Variants in OLFML2B observed in about 807,000 individuals in gnomAD.
The protein encoded by OLFML2B is olfactomedin like 2B, also known as olfactomedin-like protein 2B.
Under a neutral mutation model 74.9 loss-of-function variants are expected in OLFML2B, and 57 were observed. The ratio of observed to expected loss-of-function variants is 0.76; its 90% CI spans 0.61 to 0.95. The LOEUF (loss-of-function observed/expected upper bound fraction) is 0.95, where lower values mean the gene tolerates loss of function less well. Ranked by LOEUF, OLFML2B falls within the 40% of genes least tolerant of loss-of-function variation. OLFML2B has a pLI of 0.00. For synonymous variants in OLFML2B, 388 were observed against 405.8 expected, an observed-to-expected ratio of 0.96 and a Z score of 0.53; for missense variants, 986 against 970.6, an observed-to-expected ratio of 1.02 and a Z score of -0.21.
In OLFML2B at chr1:162,023,405, AG is replaced by A; in HGVS notation, c.25del (p.Leu9SerfsTer5). 1.3e-6 allele frequency: 2 copies of A among 1,579,398 alleles called. No individual in the cohort carries two copies. Among genetic ancestry groups the A allele is most frequent in the Non-Finnish European group, 1.7e-6 (2 of 1,159,614 alleles). On this transcript the variant is annotated frameshift_variant, in exon 1 of 8. Transcript: ENST00000294794. LOFTEE classifies it high-confidence loss of function. MAKPRLLV[L>X]YFALIVVPAW... ...CGGAACCACAATCAGAGCGAAGTAGAGAACTAGCAGCCGAGGCTTGGCCATG... is the reference window on the plus strand; with the variant it reads ...CGGAACCACAATCAGAGCGAAGTAGAAACTAGCAGCCGAGGCTTGGCCATG...
At chr1:161,994,000 A>G (rs4657131) in intron 6 of OLFML2B, among the ~76,000 whole-genome samples, 96,498 of 152,174 alleles carry the variant, frequency 0.63, 30,917 homozygotes, top group Middle Eastern at 0.71. Flanking sequence ...TCCTCATCAA[A>G]AGGCTTAGAC....
In OLFML2B at chr1:162,002,280, C is replaced by T. The variant is rs114420255; in HGVS notation, c.724-1942G>A. Among the ~76,000 whole-genome samples the T allele has an allele frequency of 8.6e-3, 1,311 of 152,278 alleles. 12 individuals are homozygous for T. The highest frequency in any genetic ancestry group is 0.03 in the African/African-American group (1,261 of 41,530). On this transcript the variant is annotated intron_variant, in intron 4 of 7. Transcript: ENST00000294794. Reference sequence around the variant, plus strand: ...CTCCAGTGGCTGGATAATGAAGAGGCGGCTTCCTGCAGCCCCCTGAACCAT... The same window carrying T: ...CTCCAGTGGCTGGATAATGAAGAGGTGGCTTCCTGCAGCCCCCTGAACCAT...
intron 6 of OLFML2B, among the ~76,000 whole-genome samples, chr1:161,990,710 T>G (rs542817418): frequency 7.2e-5 from 11 of 152,228 alleles, no homozygotes; most frequent in Non-Finnish European, 1.0e-4. Flanking sequence ...CAATGAAGTT[T>G]GCTGCATCAA....
At chr1:162,014,834 T>C (rs1296684484) in intron 3 of OLFML2B, among the ~76,000 whole-genome samples, 3 of 152,190 alleles carry the variant, frequency 2.0e-5, no homozygotes, top group Admixed American at 2.0e-4. Flanking sequence ...TAATCCTATT[T>C]AATGGGTCTA....
chr1:162,016,550 T>A (rs1358125470), intron 3 of OLFML2B, among the ~76,000 whole-genome samples: 1 of 152,230 alleles, frequency 6.6e-6, no homozygotes, highest in Non-Finnish European at 1.5e-5. Context: ...AGAAATAGAT[T>A]TCCACTCAGA....
At chr1:162,008,089 A>G (rs1460266395) in intron 3 of OLFML2B, among the ~76,000 whole-genome samples, 1 of 152,154 alleles carries the variant, frequency 6.6e-6, no homozygotes, top group African/African-American at 2.4e-5. Flanking sequence ...ATTTTGAAGG[A>G]AACCGGTTCA....
intron 2 of OLFML2B, among the ~76,000 whole-genome samples, chr1:162,018,457 A>G (rs1343393527): frequency 6.6e-6 from 1 of 152,208 alleles, no homozygotes; most frequent in Non-Finnish European, 1.5e-5. Context: ...ATTGTCTACT[A>G]AAGGCTCTGA....
chr1:162,019,667 A>G (rs941862870), intron 2 of OLFML2B, among the ~76,000 whole-genome samples: 2 of 152,134 alleles, frequency 1.3e-5, no homozygotes, highest in Non-Finnish European at 2.9e-5. Flanking sequence ...TGGGCCTGGC[A>G]GCTGCTCCCA....
chr1:161,993,905 A>G (rs1689814815), intron 6 of OLFML2B, among the ~76,000 whole-genome samples: 2 of 152,200 alleles, frequency 1.3e-5, no homozygotes, highest in South Asian at 2.1e-4. Flanking sequence ...CCTTTGGGAA[A>G]GTGACCACTT....
chr1:162,023,380 C>G lies in OLFML2B; in HGVS notation c.51G>C (p.Pro17=). The change falls in exon 1 of 8, where the codon CCG becomes CCC. Residue 17 remains proline, a synonymous_variant. Transcript: ENST00000294794. ...TGAGGACAATGCTGGACACCCAGGCCGGAACCACAATCAGAGCGAAGTAGA... is the reference window on the plus strand; with the variant it reads ...TGAGGACAATGCTGGACACCCAGGCGGGAACCACAATCAGAGCGAAGTAGA... ...LVLYFALIVV[P]AWVSSIVLTG... is the part of the protein sequence containing the mutation. 1 of 1,603,046 alleles carries G rather than the reference C, an allele frequency of 6.2e-7. No individual in the cohort carries two copies. The highest frequency in any genetic ancestry group is 8.5e-7 in the Non-Finnish European group (1 of 1,173,596).
rs150749230 is a variant in OLFML2B, at chr1:161,984,024, G to T, written c.1904C>A (p.Ala635Asp). 6.2e-7 allele frequency: 1 copy of T among 1,614,178 alleles called. No individual in the cohort carries two copies. Among genetic ancestry groups the T allele is most frequent in the Non-Finnish European group, 8.5e-7 (1 of 1,180,042 alleles). Reference protein sequence around the residue: ...DENGLWLIYPALDDEGFSQEV... With the variant: ...DENGLWLIYPDLDDEGFSQEV... ...CTGGCTGAAGCCCTCATCGTCCAGG[G>T]CCGGGTAGATGAGCCATAGGCCATT... The change falls in exon 8 of 8, where the codon GCC (alanine) becomes GAC (aspartate). Residue 635 changes from alanine to aspartate, a missense_variant. Coordinates refer to ENST00000294794, the MANE Select transcript of OLFML2B (RefSeq NM_015441.3).
chr1:162,014,710 G>A (rs1690482040), intron 3 of OLFML2B, among the ~76,000 whole-genome samples: 1 of 152,302 alleles, frequency 6.6e-6, no homozygotes, highest in East Asian at 1.9e-4. Flanking sequence ...CAAATACAGT[G>A]CTCCACTATT....
rs953845831 is a variant in OLFML2B, at chr1:162,023,426, G to A, written c.5C>T (p.Ala2Val). The A allele has an allele frequency of 2.6e-6, 4 of 1,558,046 alleles. No homozygotes were observed. Among genetic ancestry groups the A allele is most frequent in the Non-Finnish European group, 2.6e-6 (3 of 1,147,896 alleles). Reference protein sequence around the residue: MAKPRLLVLYFA... With the variant: MVKPRLLVLYFA... ...GTAGAGAACTAGCAGCCGAGGCTTGGCCATGAGGGGCGCGATAAGAGTGTC... is the reference window on the plus strand; with the variant it reads ...GTAGAGAACTAGCAGCCGAGGCTTGACCATGAGGGGCGCGATAAGAGTGTC... The change falls in exon 1 of 8, where the codon GCC becomes GTC. Residue 2 changes from alanine to valine, a missense_variant. Coordinates refer to ENST00000294794, the MANE Select transcript of OLFML2B (RefSeq NM_015441.3).
At chr1:162,009,805 GA>G (rs1336915277) in intron 3 of OLFML2B, among the ~76,000 whole-genome samples, 3 of 152,128 alleles carry the variant, frequency 2.0e-5, no homozygotes, top group East Asian at 1.9e-4. Context: ...TGGCCCTCAA[GA>G]GCTCCCCACC....
In OLFML2B at chr1:162,019,935, T is replaced by G; in HGVS notation, c.422A>C (p.Asp141Ala). The G allele has an allele frequency of 6.2e-7, 1 of 1,614,160 alleles. No homozygotes were observed. The change falls in exon 2 of 8, where the codon GAC becomes GCC. Residue 141 changes from aspartate to alanine, a missense_variant. Coordinates refer to ENST00000294794, the MANE Select transcript of OLFML2B (RefSeq NM_015441.3). ...AGGTCCTACCTTCAAGTCCTGGCTG[T>G]CTGCCTCCCGCAGCTTCTGGAGCCT... The part of the protein sequence containing the change: ...DFRLQKLREA[D>A]SQDLKLSTII...
intron 3 of OLFML2B, among the ~76,000 whole-genome samples, chr1:162,012,591 G>A (rs1351812130): frequency 6.6e-6 from 1 of 152,176 alleles, no homozygotes; most frequent in African/African-American, 2.4e-5. Flanking sequence ...TATGCTCATG[G>A]GTGTGGTTTG....
At chr1:161,993,340 G>A (rs887113031) in intron 6 of OLFML2B, among the ~76,000 whole-genome samples, 5 of 151,866 alleles carry the variant, frequency 3.3e-5, no homozygotes, top group African/African-American at 9.7e-5. Flanking sequence ...GGCTGCCTCA[G>A]TCTCCCTCTG....
At chr1:162,002,546 TC>T (rs1446613776) in intron 4 of OLFML2B, among the ~76,000 whole-genome samples, 1 of 152,204 alleles carries the variant, frequency 6.6e-6, no homozygotes, top group Non-Finnish European at 1.5e-5. Flanking sequence ...CTTGCTTTGA[TC>T]TTTACAATTT....
Position 161,997,844 on chromosome 1 carries a change from ATCT to A in OLFML2B, c.1452_1454del (p.Glu484del), listed in dbSNP as rs762233122. 1.2e-5 allele frequency: 19 copies of A among 1,613,238 alleles called. No homozygotes were observed. The highest frequency in any genetic ancestry group is 3.3e-4 in the Middle Eastern group (2 of 6,080). On this transcript the variant is annotated inframe_deletion, in exon 6 of 8. Coordinates refer to ENST00000294794, the MANE Select transcript of OLFML2B (RefSeq NM_015441.3). ...ACTTACCTATGACATTCCGGATGTC[ATCT>A]TCTTCTTCGGGGCTCAGCGTGGGGC...
Sources: allele counts gnomAD v4.1 joint callset (sites outside exome capture counted in the v4.1 genomes callset), GRCh38; gene constraint gnomAD v4.1.1; transcripts MANE v1.5; gene names NCBI Gene and HGNC (gene_info 2026-07-23, HGNC 2026-07-21).